The following HNRNPM variants were observed in gnomAD, a reference collection of about 807,000 sequenced individuals.
HNRNPM encodes the protein CEA receptor.
Under a neutral mutation model 73.1 loss-of-function variants are expected in HNRNPM, and 11 were observed. That is an observed-to-expected ratio of 0.15 (90% CI 0.09 to 0.25). The LOEUF (loss-of-function observed/expected upper bound fraction) is 0.25, where lower values mean the gene tolerates loss of function less well. Among genes scored for constraint, HNRNPM ranks in the 10% least tolerant of loss-of-function variants. HNRNPM has a pLI of 1.00. For missense variants in HNRNPM, 789 were observed against 1,067.9 expected, an observed-to-expected ratio of 0.74 and a Z score of 3.64; for synonymous variants, 407 against 355.2, an observed-to-expected ratio of 1.15 and a Z score of -1.64.
At chr19:8,473,612 T>C in intron 10 of HNRNPM, 52 bp from the exon 11 acceptor site, 1 of 1,126,606 alleles carries the variant, frequency 8.9e-7, no homozygotes, top group Non-Finnish European at 1.3e-6. Context: ...AGTTCAAACG[T>C]TATTTACTGC....
intron 2 of HNRNPM, among the ~76,000 whole-genome samples, chr19:8,459,086 G>C (rs946316770): frequency 3.3e-5 from 5 of 151,986 alleles, no homozygotes; most frequent in African/African-American, 1.2e-4. Context: ...CCACCACGCC[G>C]AGTTAATTTT....
At chr19:8,455,670 T>C in intron 2 of HNRNPM, 96 bp downstream of exon 2, 2 of 912,420 alleles carry the variant, frequency 2.2e-6, no homozygotes, top group South Asian at 3.3e-5. Flanking sequence ...GAAGCGGCTC[T>C]GGGTAGAGCA....
chr19:8,479,352 T>G (rs1599837998), intron 12 of HNRNPM, among the ~76,000 whole-genome samples: 3 of 152,096 alleles, frequency 2.0e-5, no homozygotes, highest in Admixed American at 2.0e-4. Flanking sequence ...GTGCTAGGAT[T>G]ACAGGTGTGA....
chr19:8,451,499 A>C (rs1162082144), intron 1 of HNRNPM, among the ~76,000 whole-genome samples: 1 of 151,522 alleles, frequency 6.6e-6, no homozygotes, highest in Non-Finnish European at 1.5e-5. Context: ...CTTTTATACT[A>C]TCACATCATC....
chr19:8,485,546 G>A, intron 13 of HNRNPM, 57 bp from the exon 14 acceptor site: 1 of 1,520,824 alleles, frequency 6.6e-7, no homozygotes, highest in Non-Finnish European at 8.9e-7. Flanking sequence ...CTGGCGTGTT[G>A]TGCACACGCA....
At position 8,485,881 on chromosome 19, in the gene HNRNPM, C is replaced by T. The variant is rs746553013; in HGVS notation, c.1453C>T (p.Arg485Cys). The T allele has an allele frequency of 3.1e-6, 5 of 1,603,936 alleles. No homozygotes were observed. The highest frequency in any genetic ancestry group is 3.4e-6 in the Non-Finnish European group (4 of 1,179,604). ...TMERIGSGVE[R>C]MGAGMGFGLE... ...GGAGCGCATTGGCTCTGGCGTGGAG[C>T]GCATGGGTGCCGGCATGGGCTTCGG... The change falls in exon 14 of 16, where the codon CGC becomes TGC. Residue 485 changes from arginine to cysteine, a missense_variant. Transcript: ENST00000325495.
Position 8,486,186 on chromosome 19 carries a change from C to G in HNRNPM, c.1758C>G (p.Ala586=), listed in dbSNP as rs774588419. Residue 586 remains alanine (A), a synonymous_variant, in exon 14 of 16, where the codon GCC becomes GCG. Coordinates refer to ENST00000325495, the MANE Select transcript of HNRNPM (RefSeq NM_005968.5). ...LERMGLERMG[A]NSLERMGPAM... ...GCATGGGCCTGGAGCGCATGGGTGC[C>G]AACAGCCTCGAGCGCATGGGCCCTG... 2.5e-6 allele frequency: 4 copies of G among 1,593,676 alleles called. No homozygotes were observed. The African/African-American group carries it at 5.4e-5, about 21-fold the overall frequency.
chr19:8,476,949 C>A (rs1468446937), intron 12 of HNRNPM, among the ~76,000 whole-genome samples: 1 of 149,596 alleles, frequency 6.7e-6, no homozygotes, highest in African/African-American at 2.5e-5. Context: ...GCATGCTGAC[C>A]CATGAGGTCA....
Position 8,487,152 on chromosome 19 carries a change from C to T in HNRNPM, c.2029+77C>T, listed in dbSNP as rs138493569. On this transcript the variant is annotated intron_variant, in intron 15 of 15. Coordinates refer to ENST00000325495, the MANE Select transcript of HNRNPM (RefSeq NM_005968.5). ...GCAGCCGAGTCAGCAGCAAAACCTC[C>T]CTCCCAGCCCCCTCCGTCGGCTCAG... 1,163 of 1,197,930 alleles carry T rather than the reference C, an allele frequency of 9.7e-4. 14 individuals are homozygous for T. The African/African-American group carries it at 0.016, about 16-fold the overall frequency. 74.2% of individuals were successfully genotyped at this position (1,197,930 alleles called of 1,614,324 possible). A position where few individuals can be genotyped will look rare whatever the true frequency, so the allele number is the denominator to read the frequency against.
At chr19:8,473,763 T>C in intron 11 of HNRNPM, 55 bp downstream of exon 11, 1 of 1,067,556 alleles carries the variant, frequency 9.4e-7, no homozygotes, top group South Asian at 1.4e-5. Context: ...TAGTTTTCTC[T>C]CTTTCCTCTT....
intron 2 of HNRNPM, among the ~76,000 whole-genome samples, chr19:8,459,631 C>T (rs1328211206): frequency 1.3e-5 from 2 of 152,148 alleles, no homozygotes; most frequent in African/African-American, 2.4e-5. Flanking sequence ...AGTGAAGCTT[C>T]GGCACTGTAT....
At chr19:8,478,110 G>A (rs1970646714) in intron 12 of HNRNPM, among the ~76,000 whole-genome samples, 1 of 152,184 alleles carries the variant, frequency 6.6e-6, no homozygotes, top group South Asian at 2.1e-4. Flanking sequence ...GGGACCTCTT[G>A]GTTACTGTGG....
At chr19:8,450,224 C>T (rs1264014087) in intron 1 of HNRNPM, among the ~76,000 whole-genome samples, 1 of 152,070 alleles carries the variant, frequency 6.6e-6, no homozygotes, top group African/African-American at 2.4e-5. Flanking sequence ...GGGTCCTTGT[C>T]CCTCAGGAGA....
intron 5 of HNRNPM, among the ~76,000 whole-genome samples, chr19:8,465,065 T>G (rs1969651793): frequency 6.6e-6 from 1 of 152,224 alleles, no homozygotes; most frequent in Non-Finnish European, 1.5e-5. Context: ...CTCCCTACCC[T>G]GCTTTTCTTT....
chr19:8,463,957 TG>T, intron 5 of HNRNPM: 1 of 386,322 alleles, frequency 2.6e-6, no homozygotes, highest in East Asian at 4.6e-5. Flanking sequence ...TCTCAAACCA[TG>T]AGCCCGTGGG....
At chr19:8,451,555 G>A (rs909815405) in intron 1 of HNRNPM, among the ~76,000 whole-genome samples, 2 of 151,936 alleles carry the variant, frequency 1.3e-5, no homozygotes, top group African/African-American at 4.8e-5. Context: ...TTCCCTTGCC[G>A]AGACAGGGTC....
chr19:8,479,044 G>A (rs1031894998), intron 12 of HNRNPM, among the ~76,000 whole-genome samples: 6 of 149,516 alleles, frequency 4.0e-5, no homozygotes, highest in African/African-American at 1.5e-4. Flanking sequence ...TTGGTTAGGT[G>A]GCAGAGCAAT....
intron 12 of HNRNPM, among the ~76,000 whole-genome samples, chr19:8,482,110 T>C (rs1032715359): frequency 6.6e-6 from 1 of 151,946 alleles, no homozygotes; most frequent in Non-Finnish European, 1.5e-5. Context: ...GTAACTGGGA[T>C]TACAGGCACC....
intron 2 of HNRNPM, among the ~76,000 whole-genome samples, chr19:8,457,579 A>G (rs1237323568): frequency 6.6e-6 from 1 of 152,172 alleles, no homozygotes; most frequent in Non-Finnish European, 1.5e-5. Context: ...GTTTAATTAA[A>G]TTATTAGCGG....
Sources: gnomAD v4.1 joint callset for allele counts (sites outside exome capture counted in the v4.1 genomes callset) on GRCh38, gnomAD v4.1.1 for gene constraint, MANE v1.5 for transcripts, NCBI Gene and HGNC (gene_info 2026-07-23, HGNC 2026-07-21) for gene names.